NSUN6: variants seen among roughly 807,000 people sequenced by gnomAD.
NSUN6 encodes the protein tRNA (cytosine(72)-C(5))-methyltransferase NSUN6.
NSUN6 carries 64 observed loss-of-function variants against 58.0 expected under a neutral mutation model. The observed-to-expected ratio is 1.10, with a 90% CI of 0.90 to 1.36. The LOEUF (loss-of-function observed/expected upper bound fraction) is 1.36, where lower values mean the gene tolerates loss of function less well. NSUN6 is among the 40% of genes most tolerant of loss of function. The probability of loss-of-function intolerance (pLI) is 0.00; values close to 1 mark genes in which losing one functional copy is unlikely to be tolerated. For synonymous variants in NSUN6, 231 were observed against 193.9 expected (o/e 1.19, Z -1.59); for missense variants, 701 against 550.1 (o/e 1.27, Z -2.74).
intron 3 of NSUN6, among the ~76,000 whole-genome samples, chr10:18,628,106 TG>T (rs2058890359): frequency 6.6e-6 from 1 of 152,120 alleles, no homozygotes; most frequent in Non-Finnish European, 1.5e-5. Context: ...CCCTGACCCC[TG>T]AGCAGCCTAA....
upstream of NSUN6, among the ~76,000 whole-genome samples, chr10:18,657,965 T>C (rs2059795899): frequency 7.4e-6 from 1 of 134,510 alleles, no homozygotes; most frequent in South Asian, 2.6e-4. Context: ...AATGGTTTCT[T>C]AGAAATCCGA....
chr10:18,652,805 C>G (rs976327530), upstream of NSUN6: 4 of 657,080 alleles, frequency 6.1e-6, no homozygotes, highest in Non-Finnish European at 7.5e-6. Context: ...ACTGATCTGA[C>G]TCTCTAGCCT....
intron 3 of NSUN6, among the ~76,000 whole-genome samples, chr10:18,631,492 T>C (rs1413186430): frequency 2.3e-5 from 3 of 129,842 alleles, no homozygotes; most frequent in Admixed American, 8.3e-5. Flanking sequence ...CATGATTGTA[T>C]ATCTAGAAAA....
rs2058346121 is a variant in NSUN6 at position 18,614,581 on chromosome 10, A to T, written c.454T>A (p.Ser152Thr). 1 of 1,482,044 alleles carries T rather than the reference A, an allele frequency of 6.7e-7. No individual in the cohort carries two copies. The highest frequency in any genetic ancestry group is 9.1e-7 in the Non-Finnish European group (1 of 1,093,982). 91.8% of individuals were successfully genotyped at this position (1,482,044 alleles called of 1,614,324 possible). ...MKAGDVISVY[S>T]DIKGKCKKGA... is the part of the protein sequence containing the mutation. ...TTCTTACATTTTCCTTTAATATCAGAGTATACAGAAATAACATCTCCAGCT... is the reference window on the plus strand; with the variant it reads ...TTCTTACATTTTCCTTTAATATCAGTGTATACAGAAATAACATCTCCAGCT... The change falls in exon 5 of 11, where the codon TCT becomes ACT. Residue 152 changes from serine to threonine, a missense_variant. By Grantham distance (58) the Ser-to-Thr change is moderately conservative. Coordinates refer to ENST00000377304, the MANE Select transcript of NSUN6 (RefSeq NM_182543.5).
intron 2 of NSUN6, among the ~76,000 whole-genome samples, chr10:18,646,504 T>A (rs1376027126): frequency 6.6e-6 from 1 of 151,646 alleles, no homozygotes; most frequent in Non-Finnish European, 1.5e-5. Context: ...ATATCCAGAC[T>A]AGGATGCTAA....
intron 8 of NSUN6, among the ~76,000 whole-genome samples, chr10:18,557,548 G>C (rs1438604584): frequency 1.3e-5 from 2 of 150,396 alleles, no homozygotes; most frequent in African/African-American, 4.9e-5. Flanking sequence ...AATGGATGAT[G>C]GTATGGAGAA....
chr10:18,555,731 T>TTAGAATGGAGAATGGAA (rs1257428530), intron 8 of NSUN6, among the ~76,000 whole-genome samples: 16 of 123,498 alleles, frequency 1.3e-4, no homozygotes, highest in African/African-American at 5.1e-4. Flanking sequence ...GGACAATGGG[T>TTAGAATGGAGAATGGAA]TAGAATGGAG....
chr10:18,598,437 G>A (rs1424656556), intron 6 of NSUN6, among the ~76,000 whole-genome samples: 3 of 152,154 alleles, frequency 2.0e-5, no homozygotes, highest in Non-Finnish European at 4.4e-5. Context: ...TATCCAGCAA[G>A]CTCTACTTAT....
chr10:18,645,332 T>C lies in NSUN6; in HGVS notation c.232-2777A>G, dbSNP rs150714587. On this transcript the variant is annotated intron_variant, in intron 2 of 10. Coordinates refer to ENST00000377304, the MANE Select transcript of NSUN6 (RefSeq NM_182543.5). ...ATAAACTGTTTCCTGCACAAAATTA[T>C]ATAAAATATTGTATAAAATTACCTT... is the stretch of plus-strand genomic sequence containing the variant. 7.7e-3 allele frequency among the ~76,000 whole-genome samples: 1,177 copies of C among 152,250 alleles called. 6 individuals are homozygous for C. Among genetic ancestry groups the C allele is most frequent in the Admixed American group, 0.012 (187 of 15,284 alleles).
rs1225303766 is a variant in NSUN6, at chr10:18,614,459, CTTCAG to C, written c.571_575del (p.Leu191ArgfsTer17). On this transcript the variant is annotated frameshift_variant and splice_region_variant, in exon 5 of 11. Coordinates refer to ENST00000377304, the MANE Select transcript of NSUN6 (RefSeq NM_182543.5). LOFTEE classifies it high-confidence loss of function. ...TTTCCCCAAAGCACCTGATGACATA[CTTCAG>C]TTCAGGTAATCCACTGAAGATTTCT... 10 of 1,512,474 alleles carry C rather than the reference CTTCAG, an allele frequency of 6.6e-6. No individual in the cohort carries two copies. Among genetic ancestry groups the C allele is most frequent in the Non-Finnish European group, 8.8e-6 (10 of 1,131,866 alleles). 93.7% of individuals were successfully genotyped at this position (1,512,474 alleles called of 1,614,324 possible). A position where few individuals can be genotyped will look rare whatever the true frequency, so the allele number is the denominator to read the frequency against.
Position 18,614,444 on chromosome 10 carries a change from G to A in NSUN6, c.575+16C>T. 1.4e-6 allele frequency: 2 copies of A among 1,418,948 alleles called. No homozygotes were observed. The highest frequency in any genetic ancestry group is 1.6e-5 in the South Asian group (1 of 63,056). The allele number at this position is 1,418,948 out of a possible 1,614,324, so 87.9% of individuals were successfully genotyped here. On this transcript the variant is annotated intron_variant, in intron 5 of 10. Transcript: ENST00000377304. ...CAAAAAGGATGCTGATTTCCCCAAA[G>A]CACCTGATGACATACTTCAGTTCAG... is the stretch of plus-strand genomic sequence containing the variant.
intron 7 of NSUN6, among the ~76,000 whole-genome samples, chr10:18,593,781 G>A (rs988687733): frequency 4.0e-5 from 6 of 151,580 alleles, no homozygotes; most frequent in African/African-American, 9.7e-5. Context: ...CTTAGATAAC[G>A]GGTTGATAGG....
chr10:18,559,191 G>A (rs953589940), intron 8 of NSUN6, among the ~76,000 whole-genome samples: 2 of 148,510 alleles, frequency 1.3e-5, no homozygotes, highest in South Asian at 4.3e-4. Context: ...TGGAATGGAA[G>A]ATGGAATGGA....
intron 7 of NSUN6, among the ~76,000 whole-genome samples, chr10:18,590,591 G>A (rs1042248591): frequency 6.6e-6 from 1 of 152,202 alleles, no homozygotes; most frequent in Non-Finnish European, 1.5e-5. Context: ...TAGGACTCAG[G>A]ATTAAGAAAC....
At chr10:18,608,720 CATT>C (rs1408779349) in intron 6 of NSUN6, among the ~76,000 whole-genome samples, 2 of 149,260 alleles carry the variant, frequency 1.3e-5, no homozygotes, top group African/African-American at 4.9e-5. Context: ...TTGCATTAAA[CATT>C]ATTAACTGGA....
intron 8 of NSUN6, among the ~76,000 whole-genome samples, chr10:18,581,157 T>C (rs1443071750): frequency 6.6e-6 from 1 of 152,004 alleles, no homozygotes; most frequent in African/African-American, 2.4e-5. Flanking sequence ...GCGTGCACAG[T>C]GTGTTTATCA....
chr10:18,561,037 T>C (rs148938364), intron 8 of NSUN6, among the ~76,000 whole-genome samples: 33 of 148,194 alleles, frequency 2.2e-4, no homozygotes, highest in African/African-American at 8.2e-4. Context: ...TAGAATGGAA[T>C]GGAATGCAGA....
chr10:18,625,723 A>ATT (rs1590114913), intron 3 of NSUN6, among the ~76,000 whole-genome samples: 2,919 of 107,516 alleles, frequency 0.027, 33 homozygotes, highest in Non-Finnish European at 0.045. Flanking sequence ...TTTTTTTTAA[A>ATT]AAAAAAAAAA....
intron 1 of NSUN6, among the ~76,000 whole-genome samples, chr10:18,650,490 A>C (rs1712259118): frequency 6.6e-6 from 1 of 152,230 alleles, no homozygotes; most frequent in South Asian, 2.1e-4. Flanking sequence ...CAGAAGAGAA[A>C]AATCTAGGTT....
Sources: allele counts gnomAD v4.1 joint callset (sites outside exome capture counted in the v4.1 genomes callset), GRCh38; gene constraint gnomAD v4.1.1; transcripts MANE v1.5; gene names NCBI Gene and HGNC (gene_info 2026-07-23, HGNC 2026-07-21).